Variants in SPOCK3 observed in about 807,000 individuals in gnomAD.
SPOCK3 encodes SPARC (osteonectin), cwcv and kazal like domains proteoglycan 3.
A neutral mutation model predicts 56.6 loss-of-function variants in SPOCK3; 30 were observed. The observed-to-expected ratio is 0.53, with a 90% CI of 0.40 to 0.72. SPOCK3 has a LOEUF of 0.72. Among genes scored for constraint, SPOCK3 ranks in the 30% least tolerant of loss-of-function variants. SPOCK3 has a pLI of 0.00. For missense variants in SPOCK3, 527 were observed against 530.0 expected (o/e 0.99, Z 0.06); for synonymous variants, 196 against 183.3 (o/e 1.07, Z -0.56).
At chr4:167,084,900 T>C (rs1048615233) in intron 2 of SPOCK3, among the ~76,000 whole-genome samples, 1 of 151,488 alleles carries the variant, frequency 6.6e-6, no homozygotes, top group African/African-American at 2.4e-5. Context: ...ATAAAAAGTC[T>C]TGTAGGTACA....
chr4:166,737,754 G>A, intron 9 of SPOCK3, 150 bp from the exon 10 acceptor site: 1 of 819,812 alleles, frequency 1.2e-6, no homozygotes, highest in Admixed American at 3.4e-5. Context: ...TACCAGTGAT[G>A]CCTTAGAAGA....
intron 2 of SPOCK3, among the ~76,000 whole-genome samples, chr4:167,140,922 G>A (rs1194988548): frequency 6.6e-6 from 1 of 151,928 alleles, no homozygotes; most frequent in Non-Finnish European, 1.5e-5. Context: ...GGATTCCCAT[G>A]TTCATGTGCA....
At chr4:167,150,709 C>A (rs1472971091) in intron 2 of SPOCK3, among the ~76,000 whole-genome samples, 1 of 152,134 alleles carries the variant, frequency 6.6e-6, no homozygotes, top group Non-Finnish European at 1.5e-5. Flanking sequence ...GTTTGATCCA[C>A]AAAGTGAGAG....
At chr4:166,774,306 G>A (rs1307391037) in intron 7 of SPOCK3, among the ~76,000 whole-genome samples, 1 of 152,108 alleles carries the variant, frequency 6.6e-6, no homozygotes, top group Admixed American at 6.5e-5. Flanking sequence ...AACTGTCTTA[G>A]GAAGACTTTG....
intron 8 of SPOCK3, among the ~76,000 whole-genome samples, chr4:166,753,841 A>G (rs1470297553): frequency 6.6e-6 from 1 of 152,030 alleles, no homozygotes; most frequent in Non-Finnish European, 1.5e-5. Flanking sequence ...TTTAATATAA[A>G]TTATCATTCA....
At position 167,066,569 on chromosome 4, in the gene SPOCK3, C is replaced by A. The variant is rs146390666; in HGVS notation, c.190-4032G>T. Reference sequence around the variant, plus strand: ...TATATTAAACATTCAATTTTAAATGCAGATTTTTGTGTAATATTTTATTAA... The same window carrying A: ...TATATTAAACATTCAATTTTAAATGAAGATTTTTGTGTAATATTTTATTAA... On this transcript the variant is annotated intron_variant, in intron 2 of 10. Transcript: ENST00000357545. Among the ~76,000 whole-genome samples the A allele has an allele frequency of 7.7e-3, 1,166 of 151,854 alleles. 8 individuals carry two copies. The highest frequency in any genetic ancestry group is 0.017 in the Admixed American group (260 of 15,204).
intron 6 of SPOCK3, among the ~76,000 whole-genome samples, chr4:166,825,601 G>C (rs182610254): frequency 1.3e-5 from 2 of 152,096 alleles, no homozygotes; most frequent in East Asian, 3.9e-4. Flanking sequence ...GTTTATAGCG[G>C]CACAATTCAC....
At chr4:167,168,178 G>A (rs1191597235) in intron 2 of SPOCK3, among the ~76,000 whole-genome samples, 1 of 152,134 alleles carries the variant, frequency 6.6e-6, no homozygotes, top group East Asian at 1.9e-4. Flanking sequence ...TTTACTAGCA[G>A]CAGGAGAAAG....
chr4:167,083,870 T>C (rs144119353), intron 2 of SPOCK3, among the ~76,000 whole-genome samples: 1,702 of 152,276 alleles, frequency 0.011, 18 homozygotes, highest in Non-Finnish European at 0.018. Flanking sequence ...AATTGTTATG[T>C]TACATTTTTC....
At chr4:166,841,842 G>T (rs554152298) in intron 6 of SPOCK3, among the ~76,000 whole-genome samples, 6 of 152,126 alleles carry the variant, frequency 3.9e-5, no homozygotes, top group Non-Finnish European at 7.4e-5. Flanking sequence ...GTCTAAAATC[G>T]TTGGGTTCTT....
intron 4 of SPOCK3, among the ~76,000 whole-genome samples, chr4:166,999,677 G>A (rs1215579829): frequency 6.6e-6 from 1 of 152,178 alleles, no homozygotes; most frequent in African/African-American, 2.4e-5. Flanking sequence ...ATGAATTCAT[G>A]TTTGATTGTG....
chr4:167,157,787 T>C (rs538505276), intron 2 of SPOCK3, among the ~76,000 whole-genome samples: 8 of 151,620 alleles, frequency 5.3e-5, no homozygotes, highest in African/African-American at 1.9e-4. Context: ...CCCCCAAACG[T>C]AGTTTTGGTT....
intron 2 of SPOCK3, among the ~76,000 whole-genome samples, chr4:167,197,018 C>T (rs1343851511): frequency 6.6e-6 from 1 of 152,104 alleles, no homozygotes; most frequent in Non-Finnish European, 1.5e-5. Flanking sequence ...TGTTGAGAAG[C>T]ATATCACAGT....
intron 2 of SPOCK3, among the ~76,000 whole-genome samples, chr4:167,148,372 T>A (rs1764149963): frequency 6.6e-6 from 1 of 152,116 alleles, no homozygotes; most frequent in South Asian, 2.1e-4. Context: ...AACTTTCTAT[T>A]ATCATCTGGT....
intron 2 of SPOCK3, among the ~76,000 whole-genome samples, chr4:167,196,465 A>G (rs2110888436): frequency 6.6e-6 from 1 of 152,278 alleles, no homozygotes; most frequent in Admixed American, 6.5e-5. Flanking sequence ...TCAGGGTTTC[A>G]AATGGCTGTA....
At chr4:166,994,737 A>G (rs1357134594) in intron 4 of SPOCK3, among the ~76,000 whole-genome samples, 1 of 152,188 alleles carries the variant, frequency 6.6e-6, no homozygotes, top group Non-Finnish European at 1.5e-5. Context: ...CACCTAATAT[A>G]AACCCTGACC....
intron 4 of SPOCK3, among the ~76,000 whole-genome samples, chr4:166,923,091 G>C (rs1738680946): frequency 6.6e-6 from 1 of 152,278 alleles, no homozygotes; most frequent in African/African-American, 2.4e-5. Context: ...TCTCCCAGTG[G>C]GGGGTTTCCA....
At chr4:166,826,402 C>A (rs1287420655) in intron 6 of SPOCK3, among the ~76,000 whole-genome samples, 1 of 152,016 alleles carries the variant, frequency 6.6e-6, no homozygotes, top group Non-Finnish European at 1.5e-5. Flanking sequence ...ATCTCTGAGT[C>A]AATAGAATAT....
chr4:167,064,858 A>C (rs1426569641), intron 2 of SPOCK3, among the ~76,000 whole-genome samples: 1 of 151,674 alleles, frequency 6.6e-6, no homozygotes, highest in Non-Finnish European at 1.5e-5. Flanking sequence ...AGTATCTGGA[A>C]TAAAGGAGGT....
Sources: gnomAD v4.1 joint callset for allele counts (sites outside exome capture counted in the v4.1 genomes callset) on GRCh38, gnomAD v4.1.1 for gene constraint, MANE v1.5 for transcripts, NCBI Gene and HGNC (gene_info 2026-07-23, HGNC 2026-07-21) for gene names.